The following DPYD variants were observed in gnomAD, a reference collection of about 807,000 sequenced individuals.
DPYD encodes the protein dihydropyrimidine dehydrogenase [NADP(+)].
DPYD carries 109 observed loss-of-function variants against 116.2 expected under a neutral mutation model. The ratio of observed to expected loss-of-function variants is 0.94; its 90% CI spans 0.80 to 1.10. DPYD has a LOEUF of 1.10. DPYD is among the 50% of genes least tolerant of loss of function. The probability of loss-of-function intolerance (pLI) is 0.00; values close to 1 mark genes in which losing one functional copy is unlikely to be tolerated. For synonymous variants in DPYD, 440 were observed against 432.0 expected (o/e 1.02, Z -0.23); for missense variants, 1,302 against 1,254.5 (o/e 1.04, Z -0.57).
At chr1:97,353,892 C>A (rs1670279394) in intron 16 of DPYD, among the ~76,000 whole-genome samples, 1 of 152,134 alleles carries the variant, frequency 6.6e-6, no homozygotes, top group African/African-American at 2.4e-5. Flanking sequence ...CTTTAAAATT[C>A]TTCTTTGAGA....
At chr1:97,516,524 A>C (rs1447891390) in intron 12 of DPYD, among the ~76,000 whole-genome samples, 1 of 152,062 alleles carries the variant, frequency 6.6e-6, no homozygotes, top group Admixed American at 6.6e-5. Context: ...GAAAGTGGGT[A>C]GTGTTCTCAT....
chr1:97,561,813 T>C (rs1452438800), intron 11 of DPYD, among the ~76,000 whole-genome samples: 1 of 152,190 alleles, frequency 6.6e-6, no homozygotes, highest in Non-Finnish European at 1.5e-5. Context: ...TGGAATGGGC[T>C]TTCAATCCCT....
chr1:97,569,296 T>C (rs1046955077), intron 11 of DPYD, among the ~76,000 whole-genome samples: 1 of 151,586 alleles, frequency 6.6e-6, no homozygotes, highest in African/African-American at 2.4e-5. Context: ...CGATTAAACC[T>C]GACACTGTAC....
At chr1:97,587,367 C>T (rs1654197949) in intron 10 of DPYD, among the ~76,000 whole-genome samples, 1 of 152,212 alleles carries the variant, frequency 6.6e-6, no homozygotes, top group Non-Finnish European at 1.5e-5. Context: ...AGAACACCAA[C>T]TCAAATGACG....
intron 18 of DPYD, among the ~76,000 whole-genome samples, chr1:97,247,607 A>T: frequency 6.6e-6 from 1 of 152,228 alleles, no homozygotes; most frequent in African/African-American, 2.4e-5. Context: ...CAAATAGAAT[A>T]AAATAGAATA....
At chr1:97,485,218 G>A (rs368580369) in intron 13 of DPYD, among the ~76,000 whole-genome samples, 1 of 152,068 alleles carries the variant, frequency 6.6e-6, no homozygotes, top group South Asian at 2.1e-4. Flanking sequence ...TATTTATTTA[G>A]ACAGAGTCTC....
At chr1:97,262,926 C>A (rs1663984165) in intron 18 of DPYD, among the ~76,000 whole-genome samples, 1 of 151,944 alleles carries the variant, frequency 6.6e-6, no homozygotes, top group South Asian at 2.1e-4. Flanking sequence ...AGTGCAAATC[C>A]CTAATTCAAG....
intron 16 of DPYD, among the ~76,000 whole-genome samples, chr1:97,360,551 G>A (rs1013564090): frequency 1.3e-5 from 2 of 152,124 alleles, no homozygotes; most frequent in East Asian, 1.9e-4. Context: ...CACATAGTTG[G>A]AAGTAAAGCA....
At chr1:97,815,493 G>A (rs1257818039) in intron 3 of DPYD, among the ~76,000 whole-genome samples, 1 of 152,138 alleles carries the variant, frequency 6.6e-6, no homozygotes, top group Non-Finnish European at 1.5e-5. Context: ...AGCCTAGGAG[G>A]AAAAATGTTT....
At chr1:97,666,088 T>C (rs1659541880) in intron 8 of DPYD, among the ~76,000 whole-genome samples, 1 of 152,230 alleles carries the variant, frequency 6.6e-6, no homozygotes, top group South Asian at 2.1e-4. Flanking sequence ...CATTCATTAA[T>C]AGTGTTTAAG....
At chr1:97,177,777 A>G (rs1657393003) in intron 20 of DPYD, among the ~76,000 whole-genome samples, 1 of 152,126 alleles carries the variant, frequency 6.6e-6, no homozygotes, top group African/African-American at 2.4e-5. Context: ...AGGCTGTCTT[A>G]GTCTGTTCAG....
intron 8 of DPYD, among the ~76,000 whole-genome samples, chr1:97,665,548 T>A (rs561036838): frequency 1.8e-4 from 27 of 152,262 alleles, no homozygotes; most frequent in African/African-American, 6.5e-4. Context: ...ATCAAACAGA[T>A]TTTGAACTAA....
chr1:97,130,867 CTTCCTTCCTTCCTTCCTTCT>C (rs1653276745), intron 20 of DPYD, among the ~76,000 whole-genome samples: 1 of 138,136 alleles, frequency 7.2e-6, no homozygotes, highest in Non-Finnish European at 1.6e-5. Context: ...TCCTTCCTTC[CTTCCTTCCTTCCTTCCTTCT>C]TTCCTCCCTC....
At chr1:97,806,550 G>T (rs1668086292) in intron 3 of DPYD, among the ~76,000 whole-genome samples, 1 of 151,672 alleles carries the variant, frequency 6.6e-6, no homozygotes. Flanking sequence ...AAAATTCAAA[G>T]GAATGCAGAG....
chr1:97,453,774 C>T (rs772751285), intron 13 of DPYD, among the ~76,000 whole-genome samples: 2 of 151,896 alleles, frequency 1.3e-5, no homozygotes, highest in South Asian at 2.1e-4. Flanking sequence ...TTCTCTTCTA[C>T]GATGTGGTGT....
chr1:97,285,976 G>A (rs926172634), intron 18 of DPYD, among the ~76,000 whole-genome samples: 16 of 152,068 alleles, frequency 1.1e-4, no homozygotes, highest in African/African-American at 3.6e-4. Flanking sequence ...ATGTTAGCTG[G>A]TTATTTTGCT....
chr1:97,805,310 T>C (rs1281623788), intron 3 of DPYD, among the ~76,000 whole-genome samples: 2 of 151,772 alleles, frequency 1.3e-5, no homozygotes, highest in African/African-American at 2.4e-5. Flanking sequence ...AGCCAAAGAA[T>C]AGAACATGAA....
At chr1:97,196,768 T>C (rs1484717839) in intron 19 of DPYD, among the ~76,000 whole-genome samples, 1 of 152,198 alleles carries the variant, frequency 6.6e-6, no homozygotes, top group Non-Finnish European at 1.5e-5. Flanking sequence ...CCAGAATTCC[T>C]GGCCATACAA....
Position 97,674,710 on chromosome 1 carries a change from T to A in DPYD, c.850+4385A>T, listed in dbSNP as rs991380645. 2.6e-5 allele frequency among the ~76,000 whole-genome samples: 4 copies of A among 151,960 alleles called. No homozygotes were observed. In the South Asian group the frequency reaches 8.3e-4, roughly 32 times the overall value. On this transcript the variant is annotated intron_variant, in intron 8 of 22. Transcript: ENST00000370192. Reference sequence around the variant, plus strand: ...TGTCCAGCCCGTCTACCACACTACGTCCCACTCCTGAAATTGTGCAATATG... The same window carrying A: ...TGTCCAGCCCGTCTACCACACTACGACCCACTCCTGAAATTGTGCAATATG...
Sources: allele counts gnomAD v4.1 joint callset (sites outside exome capture counted in the v4.1 genomes callset), GRCh38; gene constraint gnomAD v4.1.1; transcripts MANE v1.5; gene names NCBI Gene and HGNC (gene_info 2026-07-23, HGNC 2026-07-21).